Variants in SHANK2 observed in about 807,000 individuals in gnomAD.
SHANK2 encodes the protein SH3 and multiple ankyrin repeat domains protein 2.
In SHANK2, 43 loss-of-function variants were observed where a neutral mutation model predicts 133.7. That is an observed-to-expected ratio of 0.32 (90% CI 0.25 to 0.41). The LOEUF (loss-of-function observed/expected upper bound fraction) is 0.41, where lower values mean the gene tolerates loss of function less well. Ranked by LOEUF, SHANK2 falls within the 10% of genes least tolerant of loss-of-function variation. SHANK2 has a pLI of 1.00. For synonymous variants in SHANK2, 1,017 were observed against 952.8 expected (o/e 1.07, Z -1.24); for missense variants, 1,994 against 2,235.8 (o/e 0.89, Z 2.18).
At chr11:70,840,902 G>A (rs1240388663) in intron 11 of SHANK2, among the ~76,000 whole-genome samples, 1 of 152,184 alleles carries the variant, frequency 6.6e-6, no homozygotes, top group African/African-American at 2.4e-5. Flanking sequence ...TGTTTCACTG[G>A]AGCTTGATAA....
chr11:70,716,901 C>CCT (rs1555027438), intron 14 of SHANK2, among the ~76,000 whole-genome samples: 8 of 149,524 alleles, frequency 5.4e-5, no homozygotes, highest in African/African-American at 2.0e-4. Flanking sequence ...CGGAGCCCCC[C>CCT]CCCCGCCCAA....
rs76608361 is a variant in SHANK2 at position 70,905,468 on chromosome 11, G to A, written c.1108-8901C>T. ...ATGACTCTCCCTGAGCCCAGTGGCC[G>A]TGCGGATTTCTGCCATGGTCTGGAT... On this transcript the variant is annotated intron_variant, in intron 10 of 25. Coordinates refer to ENST00000601538, the MANE Select transcript of SHANK2 (RefSeq NM_012309.5). Among the ~76,000 whole-genome samples, 700 of 152,256 alleles carry A rather than the reference G, an allele frequency of 4.6e-3. 5 individuals are homozygous for A. Among genetic ancestry groups the A allele is most frequent in the African/African-American group, 0.016 (677 of 41,558 alleles).
At chr11:70,925,154 G>C (rs552876176) in intron 10 of SHANK2, among the ~76,000 whole-genome samples, 1 of 152,298 alleles carries the variant, frequency 6.6e-6, no homozygotes, top group East Asian at 1.9e-4. Flanking sequence ...GCATGAATCA[G>C]CAGCCTTAAG....
At position 70,769,534 on chromosome 11, in the gene SHANK2, C is replaced by T. The variant is rs1947199945; in HGVS notation, c.1777+28909G>A. ...GAGCTTGTGCTCAACAGACGTGATG[C>T]ATACCTGGTGCACACGGCAGGGGGT... On this transcript the variant is annotated intron_variant, in intron 14 of 25. Transcript: ENST00000601538. Among the ~76,000 whole-genome samples the T allele has an allele frequency of 2.0e-5, 3 of 151,108 alleles. No individual in the cohort carries two copies. The South Asian group carries it at 6.3e-4, about 32-fold the overall frequency.
chr11:71,111,935 C>G (rs1018152422), intron 5 of SHANK2, among the ~76,000 whole-genome samples: 2 of 152,186 alleles, frequency 1.3e-5, no homozygotes, highest in Non-Finnish European at 2.9e-5. Context: ...GGGGAAGTAT[C>G]GGAAGAGCCC....
intron 11 of SHANK2, among the ~76,000 whole-genome samples, chr11:70,869,170 G>A (rs1367919372): frequency 2.6e-5 from 4 of 152,186 alleles, no homozygotes; most frequent in African/African-American, 9.7e-5. Flanking sequence ...GGTCTCCGGA[G>A]GAACCAGTCC....
intron 9 of SHANK2, among the ~76,000 whole-genome samples, chr11:71,058,244 G>T (rs1301756658): frequency 6.6e-6 from 1 of 152,066 alleles, no homozygotes; most frequent in East Asian, 1.9e-4. Context: ...CCATTGATTG[G>T]GCAGCTACCA....
intron 17 of SHANK2, among the ~76,000 whole-genome samples, chr11:70,519,551 G>A (rs2059304661): frequency 6.6e-6 from 1 of 152,040 alleles, no homozygotes; most frequent in Admixed American, 6.6e-5. Context: ...GGAGGCTGAG[G>A]CAGGAGAATC....
rs564282850 is a variant in SHANK2 at position 70,551,038 on chromosome 11, A to G, written c.2062-48107T>C. On this transcript the variant is annotated intron_variant, in intron 17 of 25. Coordinates refer to ENST00000601538, the MANE Select transcript of SHANK2 (RefSeq NM_012309.5). ...CCCTGAGGGCCAAGCGGGGAGGGCC[A>G]AGGGGCTGGAGTGCCAGCGGACCCC... is the stretch of plus-strand genomic sequence containing the variant. Among the ~76,000 whole-genome samples the G allele has an allele frequency of 9.2e-5, 14 of 152,288 alleles. No individual in the cohort carries two copies. The South Asian group carries it at 2.9e-3, about 32-fold the overall frequency.
At chr11:71,245,450 G>A (rs1954948872) in intron 1 of SHANK2, among the ~76,000 whole-genome samples, 1 of 152,196 alleles carries the variant, frequency 6.6e-6, no homozygotes, top group South Asian at 2.1e-4. Flanking sequence ...AAAAGCTTCT[G>A]GGTCCTTCAA....
intron 3 of SHANK2, among the ~76,000 whole-genome samples, chr11:71,130,881 G>A (rs189038432): frequency 4.8e-4 from 73 of 152,324 alleles, no homozygotes; most frequent in African/African-American, 1.7e-3. Context: ...TGTAAGCAGC[G>A]TTCAGCAAGA....
chr11:71,189,784 A>G (rs1555115104), intron 2 of SHANK2, among the ~76,000 whole-genome samples: 1 of 152,258 alleles, frequency 6.6e-6, no homozygotes, highest in Non-Finnish European at 1.5e-5. Flanking sequence ...CTCCATGTCC[A>G]GAGCTCCCCT....
chr11:70,874,056 C>T (rs2135551593), intron 11 of SHANK2, among the ~76,000 whole-genome samples: 1 of 152,306 alleles, frequency 6.6e-6, no homozygotes, highest in East Asian at 1.9e-4. Context: ...AGCCATCTAT[C>T]CATCTACCTA....
intron 10 of SHANK2, among the ~76,000 whole-genome samples, chr11:70,926,154 T>C (rs1590840320): frequency 6.6e-6 from 1 of 152,030 alleles, no homozygotes; most frequent in East Asian, 1.9e-4. Flanking sequence ...GTGTCTGTAG[T>C]AACAGCACTT....
intron 17 of SHANK2, among the ~76,000 whole-genome samples, chr11:70,593,647 C>T (rs1394823473): frequency 2.6e-5 from 4 of 152,188 alleles, no homozygotes; most frequent in African/African-American, 7.2e-5. Flanking sequence ...AGTGAATGAA[C>T]GGAGTGAAGA....
At position 70,535,272 on chromosome 11, in the gene SHANK2, T is replaced by C. The variant is rs551718626; in HGVS notation, c.2062-32341A>G. Among the ~76,000 whole-genome samples the C allele has an allele frequency of 6.4e-4, 97 of 152,092 alleles. 1 individual carries two copies. Among genetic ancestry groups the C allele is most frequent in the African/African-American group, 2.3e-3 (94 of 41,484 alleles). On this transcript the variant is annotated intron_variant, in intron 17 of 25. Transcript: ENST00000601538. This position sits in a 1 kb window ranked among gnomAD's most constrained non-coding sequence, Gnocchi z 4.3. ...CCATCCATTACTCCATCCATCCATC[T>C]GTCCTTCCATCCATCCTCTATCCTC...
chr11:70,661,695 G>A lies in SHANK2; in HGVS notation c.1854-17C>T, dbSNP rs782740512. The A allele has an allele frequency of 2.5e-6, 4 of 1,614,004 alleles. No homozygotes were observed. The highest frequency in any genetic ancestry group is 2.2e-5 in the East Asian group (1 of 44,886). On this transcript the variant is annotated splice_polypyrimidine_tract_variant and intron_variant, in intron 15 of 25. Coordinates refer to ENST00000601538, the MANE Select transcript of SHANK2 (RefSeq NM_012309.5). ...ATGCAGTCACTGTAGAGAGAATTCC[G>A]GGGACAGCGACCATTATTGTAGCCC... is the stretch of plus-strand genomic sequence containing the variant.
intron 11 of SHANK2, among the ~76,000 whole-genome samples, chr11:70,857,437 T>C (rs1321868985): frequency 6.6e-6 from 1 of 152,200 alleles, no homozygotes; most frequent in African/African-American, 2.4e-5. Context: ...AGGCTGACTC[T>C]GGCCTTCCCT....
chr11:70,872,777 C>A (rs1949490923), intron 11 of SHANK2, among the ~76,000 whole-genome samples: 2 of 152,160 alleles, frequency 1.3e-5, no homozygotes, highest in Admixed American at 1.3e-4. Context: ...TGGCAATTTT[C>A]ACCCCTCATT....
Sources: gnomAD v4.1 joint callset for allele counts (sites outside exome capture counted in the v4.1 genomes callset) on GRCh38, gnomAD v4.1.1 for gene constraint, Gnocchi (gnomAD v3.1) non-coding constraint, MANE v1.5 for transcripts, NCBI Gene and HGNC (gene_info 2026-07-23, HGNC 2026-07-21) for gene names.